Variants in MFF observed in about 807,000 individuals in gnomAD.
MFF encodes the protein mitochondrial fission factor.
MFF carries 12 observed loss-of-function variants against 36.9 expected under a neutral mutation model. The ratio of observed to expected loss-of-function variants is 0.33; its 90% confidence interval spans 0.21 to 0.53. The LOEUF is 0.53. MFF is among the 20% of genes least tolerant of loss of function. The pLI is 0.95. For missense variants in MFF, 348 were observed against 366.6 expected (o/e 0.95, Z 0.42); for synonymous variants, 99 against 126.2 (o/e 0.78, Z 1.44).
chr2:227,346,020 A>G (rs1454595632), intron 5 of MFF, among the ~76,000 whole-genome samples: 3 of 152,162 alleles, frequency 2.0e-5, no homozygotes, highest in African/African-American at 7.2e-5. Flanking sequence ...ATTCAAAGTT[A>G]TTCATAAAGC....
At chr2:227,328,423 T>C (rs951275561) in intron 1 of MFF, among the ~76,000 whole-genome samples, 1 of 152,256 alleles carries the variant, frequency 6.6e-6, no homozygotes, top group Non-Finnish European at 1.5e-5. Context: ...CTGCCACATT[T>C]TTCTAAATAC....
chr2:227,339,216 A>T (rs538316122), intron 4 of MFF, among the ~76,000 whole-genome samples: 1 of 151,766 alleles, frequency 6.6e-6, no homozygotes, highest in East Asian at 1.9e-4. Flanking sequence ...AAAAAAAAAA[A>T]GGTATTTTCA....
intron 8 of MFF, 28 bp from the exon 9 acceptor site, chr2:227,356,958 A>T (rs752605082): frequency 1.3e-6 from 2 of 1,570,562 alleles, no homozygotes; most frequent in Non-Finnish European, 1.7e-6. Context: ...TCTATATTAT[A>T]TTTTTTGTGT....
chr2:227,339,785 AT>A (rs1276529944), intron 4 of MFF, among the ~76,000 whole-genome samples: 1 of 152,212 alleles, frequency 6.6e-6, no homozygotes, highest in East Asian at 1.9e-4. Flanking sequence ...GGGATTAGAG[AT>A]TGCAGCCATT....
rs2074778375 is a variant in MFF at position 227,333,772 on chromosome 2, T to C, written c.351+1184T>C. On this transcript the variant is annotated intron_variant, in intron 4 of 8. Transcript: ENST00000304593. ...CAAAGTTCCTTGGGAATTATACCTGTGAAAATAATTGTCTTACAGTGACGA... is the reference window on the plus strand; with the variant it reads ...CAAAGTTCCTTGGGAATTATACCTGCGAAAATAATTGTCTTACAGTGACGA... Among the ~76,000 whole-genome samples the C allele has an allele frequency of 2.0e-5, 3 of 152,360 alleles. No individual in the cohort carries two copies. The South Asian group carries it at 6.2e-4, about 32-fold the overall frequency.
At chr2:227,349,603 T>C (rs1574981200) in intron 6 of MFF, among the ~76,000 whole-genome samples, 1 of 152,224 alleles carries the variant, frequency 6.6e-6, no homozygotes, top group East Asian at 1.9e-4. Flanking sequence ...GCTTTCAGTA[T>C]TGAAAGGATT....
intron 2 of MFF, chr2:227,329,145 A>G (rs2074389338): frequency 6.6e-6 from 1 of 150,386 alleles, no homozygotes; most frequent in African/African-American, 2.5e-5. Context: ...TTTACCCTAA[A>G]TTTTGAAGTT....
intron 3 of MFF, among the ~76,000 whole-genome samples, chr2:227,331,319 G>GT (rs2074555264): frequency 6.6e-6 from 1 of 152,122 alleles, no homozygotes; most frequent in Non-Finnish European, 1.5e-5. Context: ...TCAGTGTAAT[G>GT]TTTTTGAGAT....
At chr2:227,354,481 T>G (rs796669271) in intron 7 of MFF, among the ~76,000 whole-genome samples, 30 of 152,310 alleles carry the variant, frequency 2.0e-4, no homozygotes, top group African/African-American at 7.0e-4. Flanking sequence ...TTTACTAAAA[T>G]AACCATTTAG....
rs550789575 is a variant in MFF, at chr2:227,357,438, A to C, written c.*321A>C. The stretch of plus-strand genomic sequence containing the variant: ...TCATCAGTCCACCCAACTGATTCTG[A>C]ATGGGAGAGAGTCTGTAGAGAATTG... On this transcript the variant is annotated 3_prime_UTR_variant, in exon 9 of 9. Coordinates refer to ENST00000304593, the MANE Select transcript of MFF (RefSeq NM_001277062.2). 2.0e-5 allele frequency: 4 copies of C among 198,318 alleles called. No homozygotes were observed. The highest frequency in any genetic ancestry group is 6.8e-5 in the African/African-American group (3 of 44,394). 12.3% of individuals were successfully genotyped at this position (198,318 alleles called of 1,614,324 possible).
At chr2:227,327,700 C>T (rs1204095500) in intron 1 of MFF, among the ~76,000 whole-genome samples, 1 of 152,098 alleles carries the variant, frequency 6.6e-6, no homozygotes, top group Non-Finnish European at 1.5e-5. Flanking sequence ...CTAGAAAGTT[C>T]GTAAGACTGA....
chr2:227,339,646 G>A (rs1026401354), intron 4 of MFF, among the ~76,000 whole-genome samples: 2 of 152,182 alleles, frequency 1.3e-5, no homozygotes, highest in African/African-American at 2.4e-5. Flanking sequence ...GTACTGTTAT[G>A]ACCTAGCCTC....
chr2:227,334,990 G>A (rs1193498959), intron 4 of MFF, among the ~76,000 whole-genome samples: 1 of 152,092 alleles, frequency 6.6e-6, no homozygotes, highest in African/African-American at 2.4e-5. Flanking sequence ...CCAACATGGT[G>A]AGACCCTGTC....
Position 227,327,308 on chromosome 2 carries a change from C to T in MFF, c.-152-1370C>T, listed in dbSNP as rs149388807. On this transcript the variant is annotated intron_variant, in intron 1 of 8. Coordinates refer to ENST00000304593, the MANE Select transcript of MFF (RefSeq NM_001277062.2). ...CCTCGTTTGTTATGTAACAGAATCACGTACTGGTTGCCTACTGGATTCTAA... is the reference window on the plus strand; with the variant it reads ...CCTCGTTTGTTATGTAACAGAATCATGTACTGGTTGCCTACTGGATTCTAA... Among the ~76,000 whole-genome samples, 241 of 152,234 alleles carry T rather than the reference C, an allele frequency of 1.6e-3. 3 individuals carry two copies. Among genetic ancestry groups the T allele is most frequent in the East Asian group, 3.3e-3 (17 of 5,186 alleles).
chr2:227,337,990 G>A (rs138373458), intron 4 of MFF, among the ~76,000 whole-genome samples: 121 of 151,726 alleles, frequency 8.0e-4, no homozygotes, highest in African/African-American at 2.8e-3. Context: ...GATTGCATAA[G>A]CCAAGATTGT....
chr2:227,340,461 A>G, intron 5 of MFF, 81 bp downstream of exon 5: 2 of 1,018,052 alleles, frequency 2.0e-6, no homozygotes, highest in Non-Finnish European at 2.9e-6. Flanking sequence ...CTAAATAATT[A>G]CTTCATGTAG....
chr2:227,331,482 G>A (rs182460268), intron 3 of MFF, among the ~76,000 whole-genome samples: 37 of 152,336 alleles, frequency 2.4e-4, no homozygotes, highest in African/African-American at 8.2e-4. Flanking sequence ...TGAATATTCA[G>A]GTTCAAGTCT....
chr2:227,351,276 C>T (rs1401945451), intron 6 of MFF, among the ~76,000 whole-genome samples: 2 of 152,132 alleles, frequency 1.3e-5, no homozygotes, highest in African/African-American at 2.4e-5. Context: ...CATGTTCCCC[C>T]AAAAAGTCTC....
intron 5 of MFF, among the ~76,000 whole-genome samples, chr2:227,343,549 C>T (rs1384100953): frequency 6.6e-6 from 1 of 152,016 alleles, no homozygotes; most frequent in Non-Finnish European, 1.5e-5. Context: ...TTTACAATTC[C>T]AAGAGAAATT....
Sources: gnomAD v4.1 joint callset for allele counts (sites outside exome capture counted in the v4.1 genomes callset) on GRCh38, gnomAD v4.1.1 for gene constraint, MANE v1.5 for transcripts, NCBI Gene and HGNC (gene_info 2026-07-23, HGNC 2026-07-21) for gene names.